The following ZNF676 variants were observed in gnomAD, a reference collection of about 807,000 sequenced individuals.
ZNF676 encodes zinc finger protein 676.
ZNF676 carries 4 observed loss-of-function variants against 6.0 expected under a neutral mutation model. The observed-to-expected ratio is 0.67, with a 90% CI of 0.33 to 1.53. The LOEUF (loss-of-function observed/expected upper bound fraction) is 1.53, where lower values mean the gene tolerates loss of function less well. Ranked by LOEUF, ZNF676 falls within the 40% of genes most tolerant of loss-of-function variation. The pLI is 0.06. For synonymous variants in ZNF676, 198 were observed against 223.1 expected (o/e 0.89, Z 1.00); for missense variants, 644 against 679.7 (o/e 0.95, Z 0.58).
At position 22,181,249 on chromosome 19, in the gene ZNF676, T is replaced by C. The variant is rs755761897; in HGVS notation, c.468A>G (p.Leu156=). The change falls in exon 3 of 3, where the codon CTA becomes CTG. Residue 156 remains leucine, a synonymous_variant. Coordinates refer to ENST00000397121, the MANE Select transcript of ZNF676 (RefSeq NM_001001411.3). ...YVRSFCMLSH[L]SQHERIYTRE... is the part of the protein sequence containing the mutation. ...TAGTATAAATTCTTTCATGTTGAGA[T>C]AGGTGTGAAAGCATGCAAAATGATC... is the stretch of plus-strand genomic sequence containing the variant. 16 of 1,613,868 alleles carry C rather than the reference T, an allele frequency of 9.9e-6. No individual in the cohort carries two copies. The highest frequency in any genetic ancestry group is 3.3e-5 in the South Asian group (3 of 91,076).
At chr19:22,185,192 T>C (rs1392927721) in intron 2 of ZNF676, among the ~76,000 whole-genome samples, 1 of 152,140 alleles carries the variant, frequency 6.6e-6, no homozygotes, top group African/African-American at 2.4e-5. Flanking sequence ...TCTTTGTTAT[T>C]CTGCAGCCTC....
chr19:22,243,371 T>C, the ZNF676 span: 1 of 151,966 alleles, frequency 6.6e-6, no homozygotes, highest in African/African-American at 2.4e-5. Context: ...AAAAGTAGAA[T>C]AATGTCAGCT....
intron 2 of ZNF676, among the ~76,000 whole-genome samples, chr19:22,184,342 T>C (rs1157691911): frequency 2.6e-5 from 4 of 152,138 alleles, no homozygotes. Flanking sequence ...ACTGTGCTTT[T>C]CCATGGTCTT....
chr19:22,260,072 T>G, the ZNF676 span, among the ~76,000 whole-genome samples: 1 of 152,110 alleles, frequency 6.6e-6, no homozygotes, highest in Non-Finnish European at 1.5e-5. Context: ...GGGGTAAGAT[T>G]AATAATTCCA....
chr19:22,215,455 G>C (rs538228003), intron 1 of ZNF676, among the ~76,000 whole-genome samples: 2 of 152,308 alleles, frequency 1.3e-5, no homozygotes, highest in South Asian at 4.1e-4. Flanking sequence ...GGAAGAGACA[G>C]GACGCCCGGC....
chr19:22,188,506 G>A (rs1032074089), intron 2 of ZNF676, among the ~76,000 whole-genome samples: 6 of 152,276 alleles, frequency 3.9e-5, no homozygotes, highest in South Asian at 2.1e-4. Flanking sequence ...GGAAGTTCTG[G>A]TGAGGGCAAT....
At chr19:22,215,543 G>T in intron 1 of ZNF676, 2 of 1,462,982 alleles carry the variant, frequency 1.4e-6, no homozygotes, top group Non-Finnish European at 1.9e-6. Context: ...AGCTGACTGC[G>T]GGTAGGCTTG....
chr19:22,258,276 C>T, the ZNF676 span, among the ~76,000 whole-genome samples: 2 of 152,066 alleles, frequency 1.3e-5, no homozygotes, highest in Non-Finnish European at 2.9e-5. Flanking sequence ...AGTTGATGGG[C>T]TCAGAGATAT....
intron 2 of ZNF676, among the ~76,000 whole-genome samples, chr19:22,183,165 T>C (rs1363588891): frequency 6.6e-6 from 1 of 151,722 alleles, no homozygotes; most frequent in East Asian, 1.9e-4. Context: ...AATGAAAGCA[T>C]ATCAATACGA....
chr19:22,239,570 T>C, the ZNF676 span, among the ~76,000 whole-genome samples: 991 of 152,252 alleles, frequency 6.5e-3, no homozygotes, highest in African/African-American at 0.022. Context: ...GTGTTAGCTT[T>C]GTCTGCGTAT....
At chr19:22,240,576 C>T in the ZNF676 span, among the ~76,000 whole-genome samples, 10 of 151,874 alleles carry the variant, frequency 6.6e-5, no homozygotes, top group Admixed American at 5.9e-4. Context: ...GGTGGATCAC[C>T]TGAGATCAGG....
rs182744381 is a variant in ZNF676, at chr19:22,207,229, A to G, written c.3+8403T>C. Among the ~76,000 whole-genome samples, 270 of 152,346 alleles carry G rather than the reference A, an allele frequency of 1.8e-3. 1 individual carries two copies. The highest frequency in any genetic ancestry group is 6.2e-3 in the African/African-American group (258 of 41,580). On this transcript the variant is annotated intron_variant, in intron 1 of 3. Transcript: ENST00000650058. ...CAGCAGAAAAGCTCTTTAAACTGAC[A>G]AACAACTTCAGTAAAGTCTCAGGAT...
At chr19:22,231,194 C>G in the ZNF676 span, among the ~76,000 whole-genome samples, 1 of 133,660 alleles carries the variant, frequency 7.5e-6, no homozygotes, top group South Asian at 2.4e-4. Context: ...TTCCAAAGTA[C>G]CACAAGGTAT....
intron 1 of ZNF676, among the ~76,000 whole-genome samples, chr19:22,194,456 G>T (rs1343670507): frequency 6.6e-6 from 1 of 152,170 alleles, no homozygotes; most frequent in East Asian, 1.9e-4. Flanking sequence ...ACAAGCAATG[G>T]CTAGTTTAGT....
chr19:22,212,882 C>A (rs1006817570), intron 1 of ZNF676, among the ~76,000 whole-genome samples: 4 of 151,876 alleles, frequency 2.6e-5, no homozygotes, highest in African/African-American at 9.7e-5. Context: ...GTAGTCCCAG[C>A]TACTTGGGAG....
chr19:22,243,752 T>A, the ZNF676 span: 1 of 152,102 alleles, frequency 6.6e-6, no homozygotes, highest in Admixed American at 6.6e-5. Context: ...GATCAGAGAG[T>A]CTTCACCTAC....
the ZNF676 span, among the ~76,000 whole-genome samples, chr19:22,249,989 CCTGA>C: frequency 1.3e-5 from 2 of 151,716 alleles, no homozygotes; most frequent in African/African-American, 4.8e-5. Flanking sequence ...TTGGGACCAG[CCTGA>C]CTAACATGGT....
At chr19:22,254,067 G>C in the ZNF676 span, among the ~76,000 whole-genome samples, 2 of 152,138 alleles carry the variant, frequency 1.3e-5, no homozygotes, top group African/African-American at 4.8e-5. Context: ...TTCTACCTGT[G>C]GGTAGGAAGT....
At chr19:22,209,767 T>C (rs1473249731) in intron 1 of ZNF676, among the ~76,000 whole-genome samples, 3 of 152,200 alleles carry the variant, frequency 2.0e-5, no homozygotes, top group Admixed American at 6.5e-5. Flanking sequence ...TCTGGGTCCA[T>C]GCAGCCAGAT....
Sources: allele counts gnomAD v4.1 joint callset (sites outside exome capture counted in the v4.1 genomes callset), GRCh38; gene constraint gnomAD v4.1.1; transcripts MANE v1.5; gene names NCBI Gene and HGNC (gene_info 2026-07-23, HGNC 2026-07-21).